The following BBS9 variants were observed in gnomAD, a reference collection of about 807,000 sequenced individuals.
BBS9 encodes Bardet-Biedl syndrome 9.
Under a neutral mutation model 117.7 loss-of-function variants are expected in BBS9, and 89 were observed. That is an observed-to-expected ratio of 0.76 (90% CI 0.64 to 0.90). The LOEUF is 0.90. BBS9 is among the 40% of genes least tolerant of loss of function. The pLI, the probability that BBS9 is intolerant of heterozygous loss-of-function variation, is 0.00. For synonymous variants in BBS9, 379 were observed against 370.9 expected, an observed-to-expected ratio of 1.02 and a Z score of -0.25; for missense variants, 982 against 1,042.2, an observed-to-expected ratio of 0.94 and a Z score of 0.80.
At chr7:33,264,794 C>CT (rs1562902177) in intron 7 of BBS9, among the ~76,000 whole-genome samples, 1 of 151,952 alleles carries the variant, frequency 6.6e-6, no homozygotes, top group Non-Finnish European at 1.5e-5. Context: ...TTTTCTTTCT[C>CT]TTTTTTTGAG....
chr7:33,449,926 A>G (rs1256465168), intron 19 of BBS9, among the ~76,000 whole-genome samples: 1 of 152,140 alleles, frequency 6.6e-6, no homozygotes, highest in African/African-American at 2.4e-5. Flanking sequence ...ATAGTACAAT[A>G]TTGTCCACCA....
chr7:33,314,444 A>G (rs1810025620), intron 9 of BBS9: 2 of 220,058 alleles, frequency 9.1e-6, no homozygotes, highest in Non-Finnish European at 1.9e-5. Flanking sequence ...TGGCATTACC[A>G]TATTATTTGA....
intron 18 of BBS9, among the ~76,000 whole-genome samples, chr7:33,386,635 T>C (rs1171733307): frequency 6.6e-6 from 1 of 151,812 alleles, no homozygotes; most frequent in Non-Finnish European, 1.5e-5. Context: ...GGACTACAGG[T>C]GCCCACCACC....
intron 19 of BBS9, among the ~76,000 whole-genome samples, chr7:33,403,774 A>G (rs981491460): frequency 2.6e-5 from 4 of 152,066 alleles, no homozygotes; most frequent in African/African-American, 9.7e-5. Context: ...CGCAATAGAC[A>G]TACGTGTGCA....
At chr7:33,333,442 C>A (rs902253628) in intron 9 of BBS9, among the ~76,000 whole-genome samples, 4 of 151,994 alleles carry the variant, frequency 2.6e-5, no homozygotes, top group African/African-American at 9.7e-5. Context: ...TTTCTTTATC[C>A]ACTCATTGGT....
intron 2 of BBS9, among the ~76,000 whole-genome samples, chr7:33,149,142 A>G (rs1355299233): frequency 6.6e-6 from 1 of 152,196 alleles, no homozygotes; most frequent in Non-Finnish European, 1.5e-5. Flanking sequence ...GGGAAGTGGG[A>G]AAAATTCAAT....
chr7:33,351,911 G>A (rs1364841495), intron 14 of BBS9: 1 of 159,770 alleles, frequency 6.3e-6, no homozygotes, highest in Non-Finnish European at 1.4e-5. Context: ...GGCAGCATTC[G>A]ATTGGCTAAA....
At chr7:33,317,454 C>CTTT (rs11444299) in intron 9 of BBS9, among the ~76,000 whole-genome samples, 2 of 150,270 alleles carry the variant, frequency 1.3e-5, no homozygotes, top group Admixed American at 6.6e-5. Context: ...GAATCAACAT[C>CTTT]TTTTTTTTTA....
chr7:33,520,408 C>T (rs1216638648), intron 20 of BBS9, among the ~76,000 whole-genome samples: 1 of 152,086 alleles, frequency 6.6e-6, no homozygotes, highest in African/African-American at 2.4e-5. Flanking sequence ...AGAGAACTCT[C>T]ACAAGTAAGA....
intron 1 of BBS9, among the ~76,000 whole-genome samples, chr7:33,144,802 A>G (rs899167193): frequency 1.3e-5 from 2 of 152,218 alleles, no homozygotes; most frequent in African/African-American, 4.8e-5. Flanking sequence ...TACACATTCA[A>G]TAGAAACCAT....
chr7:33,616,491 G>GTATATACATATATATATATA (rs1255562311), intron 21 of BBS9, among the ~76,000 whole-genome samples: 2 of 138,746 alleles, frequency 1.4e-5, no homozygotes, highest in African/African-American at 5.5e-5. Flanking sequence ...GTGTGTGTGT[G>GTATATACATATATATATATA]TGTATATATA....
At chr7:33,574,696 C>CACACACACAT (rs1554543951) in intron 21 of BBS9, among the ~76,000 whole-genome samples, 66 of 138,858 alleles carry the variant, frequency 4.8e-4, no homozygotes, top group African/African-American at 1.9e-3. Flanking sequence ...CACACACACA[C>CACACACACAT]ACACACACAC....
At chr7:33,153,166 T>G (rs1161612415) in intron 3 of BBS9, among the ~76,000 whole-genome samples, 2 of 152,202 alleles carry the variant, frequency 1.3e-5, no homozygotes, top group Non-Finnish European at 2.9e-5. Context: ...TAAAGTTATA[T>G]AAGTGTCCAT....
chr7:33,401,406 T>C (rs1191527958), intron 19 of BBS9, among the ~76,000 whole-genome samples: 2 of 152,186 alleles, frequency 1.3e-5, no homozygotes, highest in Non-Finnish European at 2.9e-5. Context: ...GAGCGACCAG[T>C]GGCCTGGGGC....
intron 5 of BBS9, among the ~76,000 whole-genome samples, chr7:33,188,111 T>TGTGTGTGTGTGTGG (rs1783443171): frequency 2.0e-4 from 1 of 5,002 alleles, no homozygotes; most frequent in African/African-American, 7.4e-4. Flanking sequence ...TGTGTGTGTG[T>TGTGTGTGTGTGTGG]GGCGGGTGGG....
chr7:33,492,709 C>G (rs1488091475), intron 19 of BBS9, among the ~76,000 whole-genome samples: 1 of 151,666 alleles, frequency 6.6e-6, no homozygotes, highest in Non-Finnish European at 1.5e-5. Flanking sequence ...GGCCCTTCAC[C>G]CCAGGAGATC....
chr7:33,477,804 C>A (rs886679651), intron 19 of BBS9, among the ~76,000 whole-genome samples: 1 of 152,126 alleles, frequency 6.6e-6, no homozygotes, highest in African/African-American at 2.4e-5. Flanking sequence ...AAGGGGTTAA[C>A]TAATTCATTA....
At chr7:33,262,632 G>A (rs1296229973) in intron 6 of BBS9, among the ~76,000 whole-genome samples, 1 of 152,134 alleles carries the variant, frequency 6.6e-6, no homozygotes, top group African/African-American at 2.4e-5. Flanking sequence ...TTTGTAGCAT[G>A]GTCTTACAAG....
chr7:33,312,853 T>A (rs755322161), intron 9 of BBS9, among the ~76,000 whole-genome samples: 3 of 152,204 alleles, frequency 2.0e-5, no homozygotes, highest in Non-Finnish European at 4.4e-5. Context: ...TTGTTCATTA[T>A]TTTTCTCACC....
Sources: allele counts gnomAD v4.1 joint callset (sites outside exome capture counted in the v4.1 genomes callset), GRCh38; gene constraint gnomAD v4.1.1; transcripts MANE v1.5; gene names NCBI Gene and HGNC (gene_info 2026-07-23, HGNC 2026-07-21).